SATB1: variants seen among roughly 807,000 people sequenced by gnomAD.
The protein encoded by SATB1 is SATB homeobox 1.
A neutral mutation model predicts 86.9 loss-of-function variants in SATB1; 11 were observed. The observed-to-expected ratio is 0.13, with a 90% confidence interval of 0.08 to 0.21. SATB1 has a LOEUF of 0.21. SATB1 is among the 10% of genes least tolerant of loss of function. The pLI, the probability that SATB1 is intolerant of heterozygous loss-of-function variation, is 1.00. For missense variants in SATB1, 551 were observed against 937.6 expected (o/e 0.59, Z 5.39); for synonymous variants, 357 against 357.2 (o/e 1.00, Z 0.01).
intron 1 of SATB1, 121 bp from the exon 2 acceptor site, chr3:18,421,112 G>A: frequency 1.5e-6 from 1 of 656,634 alleles, no homozygotes. Flanking sequence ...TTTGTAAAAT[G>A]GCCTATCTAG....
At chr3:18,415,859 CAGA>C (rs1446515971) in intron 4 of SATB1, 145 bp downstream of exon 4, 1 of 562,860 alleles carries the variant, frequency 1.8e-6, no homozygotes, top group African/African-American at 1.9e-5. Flanking sequence ...GGAAAAAAGG[CAGA>C]AGGATAGGGT....
intron 2 of SATB1, among the ~76,000 whole-genome samples, chr3:18,432,198 G>C (rs1698910557): frequency 6.6e-6 from 1 of 152,096 alleles, no homozygotes; most frequent in Non-Finnish European, 1.5e-5. Flanking sequence ...TCCATGTCAA[G>C]GAGCCAACTG....
At chr3:18,375,083 A>G (rs1400507567) in intron 9 of SATB1, among the ~76,000 whole-genome samples, 1 of 152,132 alleles carries the variant, frequency 6.6e-6, no homozygotes, top group Non-Finnish European at 1.5e-5. Flanking sequence ...GTTGGTAAGA[A>G]CCTTGTGTTC....
At chr3:18,410,797 A>T (rs937583771) in intron 5 of SATB1, 22 of 328,868 alleles carry the variant, frequency 6.7e-5, no homozygotes, top group African/African-American at 4.2e-4. Context: ...CCAGTCCAAA[A>T]ACTGTGAAAT....
upstream of SATB1, among the ~76,000 whole-genome samples, chr3:18,440,697 C>A (rs1391765482): frequency 1.3e-5 from 2 of 152,122 alleles, no homozygotes; most frequent in Non-Finnish European, 2.9e-5. Flanking sequence ...AGAAAATATA[C>A]CCTACTGTGG....
At chr3:18,370,740 G>C (rs567249035) in intron 9 of SATB1, among the ~76,000 whole-genome samples, 1 of 151,706 alleles carries the variant, frequency 6.6e-6, no homozygotes, top group East Asian at 1.9e-4. Context: ...CATTCTTCCT[G>C]TTGAACAGAA....
chr3:18,350,614 T>C (rs1694307119), intron 10 of SATB1: 1 of 152,346 alleles, frequency 6.6e-6, no homozygotes, highest in Admixed American at 6.5e-5. Context: ...AGCAATTTTA[T>C]TAAAAACAAT....
intron 5 of SATB1, among the ~76,000 whole-genome samples, chr3:18,408,153 G>T (rs1697641878): frequency 6.6e-6 from 1 of 151,902 alleles, no homozygotes; most frequent in South Asian, 2.1e-4. Flanking sequence ...TATTACAATA[G>T]AAAATAATCA....
chr3:18,349,644 CTGCTGCTGCTGCTGCTGT>C lies in SATB1; in HGVS notation c.1800_1817del (p.Gln602_Gln607del), dbSNP rs755703298. 1.2e-6 allele frequency: 2 copies of C among 1,607,950 alleles called. No homozygotes were observed. The highest frequency in any genetic ancestry group is 3.4e-5 in the Admixed American group (2 of 59,590). ...GTGGCTGTGGAGGCGGCGGTGCCTG[CTGCTGCTGCTGCTGCTGT>C]TGCTGTTGCTGCTGCTGTTGCTGCA... On this transcript the variant is annotated inframe_deletion, in exon 11 of 11. Transcript: ENST00000338745. The surrounding 1 kb of genome is among the most constrained non-coding windows in gnomAD (Gnocchi z 5.5).
chr3:18,440,018 T>C (rs532748187), upstream of SATB1, among the ~76,000 whole-genome samples: 4 of 152,354 alleles, frequency 2.6e-5, no homozygotes, highest in African/African-American at 9.6e-5. Context: ...AGCCCCACTT[T>C]ATATTCATAT....
Position 18,394,874 on chromosome 3 carries a change from T to C in SATB1, c.794A>G (p.Asn265Ser), listed in dbSNP as rs1269487377. The C allele has an allele frequency of 1.9e-6, 3 of 1,611,150 alleles. No individual in the cohort carries two copies. Among genetic ancestry groups the C allele is most frequent in the East Asian group, 4.5e-5 (2 of 44,796 alleles). ...SLSELSQQGA[N>S]HVNFGQQPVP... ...TGGTTGCTGGCCAAAATTGACATGA[T>C]TGGCGCCTTGCTGGGATAGCTCAGA... Residue 265 changes from asparagine (N) to serine (S), a missense_variant, in exon 7 of 11, where the codon AAT becomes AGT. Physicochemically the swap from Asn to Ser is conservative, Grantham distance 46. Coordinates refer to ENST00000338745, the MANE Select transcript of SATB1 (RefSeq NM_002971.6). The surrounding 1 kb of genome is among the most constrained non-coding windows in gnomAD (Gnocchi z 5.9).
In SATB1 at chr3:18,417,029, A is replaced by G. The variant is rs996980807; in HGVS notation, c.261T>C (p.Ile87=). ...CATGCTCCTCCTTGCAATCATATTC[A>G]ATGGCGTTTTCATAATGTTCCACCA... ...FCVVEHYENA[I]EYDCKEEHAE... is the part of the protein sequence containing the mutation. Residue 87 remains isoleucine, a synonymous_variant, in exon 3 of 11, where the codon ATT becomes ATC. Transcript: ENST00000338745. The G allele has an allele frequency of 6.2e-7, 1 of 1,613,582 alleles. No homozygotes were observed. The highest frequency in any genetic ancestry group is 1.3e-5 in the African/African-American group (1 of 75,000).
intron 2 of SATB1, among the ~76,000 whole-genome samples, chr3:18,432,872 G>C (rs941187862): frequency 1.3e-5 from 2 of 151,162 alleles, no homozygotes; most frequent in Admixed American, 1.3e-4. Flanking sequence ...ATAATACCAG[G>C]AAAATATCAT....
intron 8 of SATB1, among the ~76,000 whole-genome samples, chr3:18,383,912 A>T (rs1417265322): frequency 6.6e-6 from 1 of 152,210 alleles, no homozygotes; most frequent in Non-Finnish European, 1.5e-5. Flanking sequence ...CCATTATAAT[A>T]ATATTAATAA....
intron 9 of SATB1, among the ~76,000 whole-genome samples, chr3:18,377,498 T>C (rs970776931): frequency 1.3e-5 from 2 of 152,232 alleles, no homozygotes; most frequent in Non-Finnish European, 2.9e-5. Context: ...TAAAAGACTA[T>C]ACGACCTATC....
chr3:18,349,721 G>A lies in SATB1; in HGVS notation c.1780-39C>T, dbSNP rs775793707. 25 of 1,550,976 alleles carry A rather than the reference G, an allele frequency of 1.6e-5. No individual in the cohort carries two copies. The highest frequency in any genetic ancestry group is 5.9e-5 in the South Asian group (5 of 84,866). Reference sequence around the variant, plus strand: ...AGGAGACAATCAGAGCTCTGCTATCGTGGAGTTCCACACAAAGCCGTCTCC... The same window carrying A: ...AGGAGACAATCAGAGCTCTGCTATCATGGAGTTCCACACAAAGCCGTCTCC... On this transcript the variant is annotated intron_variant, in intron 10 of 10. Coordinates refer to ENST00000338745, the MANE Select transcript of SATB1 (RefSeq NM_002971.6). This position sits in a 1 kb window ranked among gnomAD's most constrained non-coding sequence, Gnocchi z 5.5.
chr3:18,362,869 A>ACAAAC (rs1405347623), intron 9 of SATB1, among the ~76,000 whole-genome samples: 3,657 of 146,206 alleles, frequency 0.025, 223 homozygotes, highest in African/African-American at 0.087. Flanking sequence ...GCAAAAAAAA[A>ACAAAC]AAAAAAAAAA....
rs1303963548 is a variant in SATB1 at position 18,352,174 on chromosome 3, G to C, written c.1597C>G (p.Arg533Gly). 1 of 1,614,138 alleles carries C rather than the reference G, an allele frequency of 6.2e-7. No homozygotes were observed. The highest frequency in any genetic ancestry group is 8.5e-7 in the Non-Finnish European group (1 of 1,180,030). Residue 533 changes from arginine to glycine, a missense_variant, in exon 10 of 11, where the codon CGC becomes GGC. By Grantham distance (125) the Arg-to-Gly change is moderately radical. Transcript: ENST00000338745. This position sits in a 1 kb window ranked among gnomAD's most constrained non-coding sequence, Gnocchi z 4.1. ...KSQGWLCELL[R>G]WKEDPSPENR... ...TCTGGAGAAGGATCTTCTTTCCAGC[G>C]TAACAGCTCGCACAACCATCCCTTA...
At chr3:18,397,516 C>G (rs1482129273) in intron 5 of SATB1, among the ~76,000 whole-genome samples, 1 of 152,162 alleles carries the variant, frequency 6.6e-6, no homozygotes, top group Non-Finnish European at 1.5e-5. Context: ...ATAAAGCTAT[C>G]AAACCCACAG....
Sources: allele counts gnomAD v4.1 joint callset (sites outside exome capture counted in the v4.1 genomes callset), GRCh38; gene constraint gnomAD v4.1.1; non-coding constraint Gnocchi (gnomAD v3.1); transcripts MANE v1.5; gene names NCBI Gene and HGNC (gene_info 2026-07-23, HGNC 2026-07-21).